Variants in CTNNA3 observed in about 807,000 individuals in gnomAD.
The protein encoded by CTNNA3 is catenin alpha-3.
Under a neutral mutation model 95.7 loss-of-function variants are expected in CTNNA3, and 76 were observed. The ratio of observed to expected loss-of-function variants is 0.79; its 90% CI spans 0.66 to 0.96. The LOEUF is 0.96. CTNNA3 is among the 40% of genes least tolerant of loss of function. CTNNA3 has a pLI of 0.00. For missense variants in CTNNA3, 1,191 were observed against 1,089.8 expected, an observed-to-expected ratio of 1.09 and a Z score of -1.31; for synonymous variants, 431 against 374.4, an observed-to-expected ratio of 1.15 and a Z score of -1.74.
intron 5 of CTNNA3, among the ~76,000 whole-genome samples, chr10:67,353,819 A>T (rs1842719634): frequency 6.6e-6 from 1 of 152,034 alleles, no homozygotes; most frequent in African/African-American, 2.4e-5. Context: ...TTCCACAGGA[A>T]TTTACCAAGA....
chr10:67,554,242 C>A (rs1189210616), intron 3 of CTNNA3, among the ~76,000 whole-genome samples: 3 of 152,272 alleles, frequency 2.0e-5, no homozygotes, highest in Non-Finnish European at 4.4e-5. Context: ...GTCTTTGTAG[C>A]AGCATGATTT....
At chr10:66,121,355 A>G (rs2082563330) in intron 13 of CTNNA3, among the ~76,000 whole-genome samples, 1 of 152,202 alleles carries the variant, frequency 6.6e-6, no homozygotes. Context: ...GTAGCTAGAA[A>G]TAGGTATTTC....
chr10:66,833,892 A>G (rs897962953), intron 7 of CTNNA3, among the ~76,000 whole-genome samples: 4 of 152,104 alleles, frequency 2.6e-5, no homozygotes, highest in African/African-American at 7.2e-5. Flanking sequence ...CTATTTTTCT[A>G]TTTTGAATAC....
At chr10:66,299,059 T>C (rs187695781) in intron 12 of CTNNA3, among the ~76,000 whole-genome samples, 56 of 152,310 alleles carry the variant, frequency 3.7e-4, no homozygotes, top group African/African-American at 1.3e-3. Flanking sequence ...GTCTCTTATC[T>C]GCCTATGACC....
chr10:67,171,203 T>G (rs1174782661), intron 7 of CTNNA3, among the ~76,000 whole-genome samples: 2 of 152,202 alleles, frequency 1.3e-5, no homozygotes, highest in African/African-American at 4.8e-5. Context: ...TTTTGTACCA[T>G]TAAATGGTTT....
At chr10:66,422,738 A>C (rs56227625) in intron 11 of CTNNA3, among the ~76,000 whole-genome samples, 2 of 151,728 alleles carry the variant, frequency 1.3e-5, no homozygotes, top group East Asian at 3.9e-4. Context: ...ATTTTGAGAA[A>C]GATGATTTTT....
At chr10:67,278,859 A>T (rs1163408254) in intron 5 of CTNNA3, among the ~76,000 whole-genome samples, 1 of 152,148 alleles carries the variant, frequency 6.6e-6, no homozygotes. Context: ...GTAAGCCACG[A>T]TACACAGGGT....
At chr10:67,192,624 G>T (rs1384792755) in intron 6 of CTNNA3, among the ~76,000 whole-genome samples, 1 of 151,854 alleles carries the variant, frequency 6.6e-6, no homozygotes, top group Non-Finnish European at 1.5e-5. Flanking sequence ...ACGATGTGGA[G>T]AAAAGGGAAC....
chr10:67,023,528 G>T (rs540826754), intron 7 of CTNNA3, among the ~76,000 whole-genome samples: 1 of 152,234 alleles, frequency 6.6e-6, no homozygotes, highest in South Asian at 2.1e-4. Flanking sequence ...AGGGATCTAT[G>T]ATAATACATG....
At chr10:67,547,172 T>G (rs762438091) in intron 3 of CTNNA3, among the ~76,000 whole-genome samples, 11 of 152,150 alleles carry the variant, frequency 7.2e-5, no homozygotes, top group Non-Finnish European at 8.8e-5. Flanking sequence ...CAGATACACC[T>G]ACCTTAAAGT....
chr10:66,909,730 T>C (rs1846141930), intron 7 of CTNNA3, among the ~76,000 whole-genome samples: 1 of 152,188 alleles, frequency 6.6e-6, no homozygotes, highest in African/African-American at 2.4e-5. Flanking sequence ...GTGAGTTTCA[T>C]GCTTAGTACA....
At chr10:67,099,233 G>C (rs1490366345) in intron 7 of CTNNA3, 2 of 151,622 alleles carry the variant, frequency 1.3e-5, no homozygotes, top group African/African-American at 2.4e-5. Flanking sequence ...GTCTTTAGAA[G>C]CTGAAATAAT....
At chr10:66,379,473 A>G (rs2092820325) in intron 11 of CTNNA3, 121 bp from the exon 12 acceptor site, 2 of 811,012 alleles carry the variant, frequency 2.5e-6, no homozygotes, top group East Asian at 5.3e-5. Context: ...GAAATGGAAG[A>G]CTTTGAGAAT....
intron 9 of CTNNA3, among the ~76,000 whole-genome samples, chr10:66,695,896 A>C (rs1260628724): frequency 4.2e-5 from 5 of 119,814 alleles, no homozygotes; most frequent in African/African-American, 1.6e-4. Context: ...CCCATCTAAA[A>C]ATTGGGTGAA....
chr10:66,716,821 G>A (rs370358589), intron 9 of CTNNA3, among the ~76,000 whole-genome samples: 2 of 152,184 alleles, frequency 1.3e-5, no homozygotes, highest in Non-Finnish European at 2.9e-5. Context: ...TTTGCAGTGC[G>A]TCACCCGACT....
chr10:67,343,999 T>C (rs1842319104), intron 5 of CTNNA3, among the ~76,000 whole-genome samples: 1 of 150,308 alleles, frequency 6.7e-6, no homozygotes, highest in African/African-American at 2.4e-5. Flanking sequence ...TGTTGAAGTA[T>C]GCTCATTCTA....
chr10:65,987,721 T>C (rs1027727222), intron 16 of CTNNA3, among the ~76,000 whole-genome samples: 1 of 152,098 alleles, frequency 6.6e-6, no homozygotes, highest in Non-Finnish European at 1.5e-5. Context: ...GTCAAAGAGA[T>C]AGCTGCACTC....
chr10:67,367,752 A>G (rs1258191375), intron 5 of CTNNA3, among the ~76,000 whole-genome samples: 2 of 152,334 alleles, frequency 1.3e-5, no homozygotes, highest in Admixed American at 6.5e-5. Flanking sequence ...TTTTGCACCA[A>G]TATGGCTGCA....
chr10:67,453,203 C>A (rs1847054492), intron 5 of CTNNA3, among the ~76,000 whole-genome samples: 2 of 152,114 alleles, frequency 1.3e-5, no homozygotes, highest in Admixed American at 1.3e-4. Flanking sequence ...ATGGCCAGTG[C>A]TAACCTTATG....
Sources: gnomAD v4.1 joint callset for allele counts (sites outside exome capture counted in the v4.1 genomes callset) on GRCh38, gnomAD v4.1.1 for gene constraint, MANE v1.5 for transcripts, NCBI Gene and HGNC (gene_info 2026-07-23, HGNC 2026-07-21) for gene names.